LRRIQ1: variants seen among roughly 807,000 people sequenced by gnomAD.
LRRIQ1 encodes the protein leucine-rich repeat- and IQ domain-containing protein 1.
LRRIQ1 carries 210 observed loss-of-function variants against 211.9 expected under a neutral mutation model. The observed-to-expected ratio is 0.99, with a 90% CI of 0.89 to 1.11. LRRIQ1 has a LOEUF of 1.11. Among genes scored for constraint, LRRIQ1 ranks in the 50% most tolerant of loss-of-function variants. The pLI is 0.00. For missense variants in LRRIQ1, 2,136 were observed against 1,939.5 expected, an observed-to-expected ratio of 1.10 and a Z score of -1.90; for synonymous variants, 699 against 650.1, an observed-to-expected ratio of 1.08 and a Z score of -1.14.
chr12:85,048,253 C>G, intron 6 of LRRIQ1: 1 of 152,194 alleles, frequency 6.6e-6, no homozygotes, highest in East Asian at 1.9e-4. Flanking sequence ...CATTTCTTGA[C>G]TGTGTAGAAA....
intron 15 of LRRIQ1, among the ~76,000 whole-genome samples, chr12:85,109,991 C>T (rs573671380): frequency 6.6e-6 from 1 of 151,996 alleles, no homozygotes; most frequent in South Asian, 2.1e-4. Flanking sequence ...TCTCTGAATC[C>T]CCAGTAGTAA....
chr12:85,082,193 A>T (rs1884364186), intron 11 of LRRIQ1, among the ~76,000 whole-genome samples: 1 of 152,116 alleles, frequency 6.6e-6, no homozygotes, highest in African/African-American at 2.4e-5. Context: ...GTCGAAGTTT[A>T]TTTCAGTAAT....
At chr12:85,191,400 A>G (rs1313313115) in intron 24 of LRRIQ1, among the ~76,000 whole-genome samples, 2 of 151,968 alleles carry the variant, frequency 1.3e-5, no homozygotes, top group African/African-American at 2.4e-5. Flanking sequence ...AGAATGTCAC[A>G]TAGTTGGAAT....
intron 7 of LRRIQ1, among the ~76,000 whole-genome samples, chr12:85,054,338 G>A (rs1323100895): frequency 6.6e-6 from 1 of 152,098 alleles, no homozygotes; most frequent in African/African-American, 2.4e-5. Context: ...GAGGCAAAAA[G>A]ACACACCACC....
intron 24 of LRRIQ1, among the ~76,000 whole-genome samples, chr12:85,225,774 A>C (rs1370684043): frequency 6.6e-6 from 1 of 152,186 alleles, no homozygotes; most frequent in East Asian, 1.9e-4. Context: ...CTGGAAACTG[A>C]TAAGTATCCG....
At chr12:85,115,443 G>T (rs1209105822) in intron 15 of LRRIQ1, among the ~76,000 whole-genome samples, 2 of 152,120 alleles carry the variant, frequency 1.3e-5, no homozygotes. Flanking sequence ...TCAAGATATT[G>T]TTATAGTCTT....
intron 24 of LRRIQ1, among the ~76,000 whole-genome samples, chr12:85,211,967 A>G (rs930323915): frequency 2.6e-5 from 4 of 152,156 alleles, no homozygotes; most frequent in African/African-American, 9.7e-5. Context: ...AAGGAAACAA[A>G]AGGTTTAAAA....
chr12:85,249,564 A>T (rs1358173121), downstream of LRRIQ1, among the ~76,000 whole-genome samples: 1 of 151,868 alleles, frequency 6.6e-6, no homozygotes, highest in Non-Finnish European at 1.5e-5. Context: ...TACAATGTGA[A>T]AATCACTTCC....
At chr12:85,238,974 G>A (rs573504596) in intron 26 of LRRIQ1, among the ~76,000 whole-genome samples, 1 of 152,034 alleles carries the variant, frequency 6.6e-6, no homozygotes, top group East Asian at 1.9e-4. Context: ...TAGCAATAAA[G>A]TTTAAAAATT....
chr12:85,202,680 C>A (rs1273414761), intron 24 of LRRIQ1, among the ~76,000 whole-genome samples: 3 of 152,256 alleles, frequency 2.0e-5, no homozygotes, highest in Admixed American at 1.3e-4. Context: ...GGTGTCCTTG[C>A]ATGTGAGATG....
At chr12:85,216,512 A>T (rs1894094766) in intron 24 of LRRIQ1, among the ~76,000 whole-genome samples, 1 of 150,294 alleles carries the variant, frequency 6.7e-6, no homozygotes, top group African/African-American at 2.4e-5. Context: ...AATGTATATA[A>T]TTCTTTATAT....
chr12:85,154,017 T>C lies in LRRIQ1; in HGVS notation c.4643T>C (p.Phe1548Ser), dbSNP rs762123174. The change falls in exon 23 of 27, where the codon TTT (phenylalanine) becomes TCT (serine). Residue 1548 changes from phenylalanine (F) to serine (S), a missense_variant. Physicochemically the swap from Phe to Ser is radical, Grantham distance 155. Coordinates refer to ENST00000393217, the MANE Select transcript of LRRIQ1 (RefSeq NM_001079910.2). ...TATATTTAATCTTTTAATAGGGGCTTTAAGGATATTTCTACTGCTCAGCAA... is the reference window on the plus strand; with the variant it reads ...TATATTTAATCTTTTAATAGGGGCTCTAAGGATATTTCTACTGCTCAGCAA... ...KEKKISEEWG[F>S]KDISTAQQML... The C allele has an allele frequency of 5.1e-6, 8 of 1,554,552 alleles. No homozygotes were observed. The highest frequency in any genetic ancestry group is 6.1e-6 in the Non-Finnish European group (7 of 1,152,512).
At chr12:85,045,873 A>G (rs1375752948) in intron 4 of LRRIQ1, 147 bp from the exon 5 acceptor site, 3 of 433,780 alleles carry the variant, frequency 6.9e-6, no homozygotes, top group Non-Finnish European at 8.1e-6. Context: ...ATAATTATCA[A>G]TGTGCTGCAG....
At chr12:85,130,013 A>T (rs1006221697) in intron 18 of LRRIQ1, among the ~76,000 whole-genome samples, 4 of 152,226 alleles carry the variant, frequency 2.6e-5, no homozygotes, top group Non-Finnish European at 5.9e-5. Flanking sequence ...GATAGGAATC[A>T]GGAAGGTCTC....
chr12:85,237,347 G>C (rs914639912), intron 26 of LRRIQ1, among the ~76,000 whole-genome samples: 1 of 152,086 alleles, frequency 6.6e-6, no homozygotes, highest in African/African-American at 2.4e-5. Flanking sequence ...AGCCTAAAGA[G>C]AGCTCAGTAG....
At chr12:85,128,059 A>AT in intron 18 of LRRIQ1, 26 bp downstream of exon 18, 2 of 1,466,456 alleles carry the variant, frequency 1.4e-6, no homozygotes, top group Middle Eastern at 1.9e-4. Flanking sequence ...TTGGTAACAT[A>AT]GTTACAAAAG....
intron 24 of LRRIQ1, among the ~76,000 whole-genome samples, chr12:85,189,892 C>A (rs1892411028): frequency 7.1e-6 from 1 of 141,048 alleles, no homozygotes; most frequent in Non-Finnish European, 1.5e-5. Flanking sequence ...TATTATATAT[C>A]ATATATTATA....
At chr12:85,129,491 G>A (rs1341561783) in intron 18 of LRRIQ1, among the ~76,000 whole-genome samples, 3 of 152,158 alleles carry the variant, frequency 2.0e-5, no homozygotes, top group Non-Finnish European at 2.9e-5. Context: ...AAATATTGTG[G>A]GTGAAAATAT....
At chr12:85,067,478 A>G (rs946548914) in intron 10 of LRRIQ1, among the ~76,000 whole-genome samples, 1 of 151,884 alleles carries the variant, frequency 6.6e-6, no homozygotes, top group South Asian at 2.1e-4. Flanking sequence ...TTTCTTACTT[A>G]AGGACCAGTC....
Sources: gnomAD v4.1 joint callset for allele counts (sites outside exome capture counted in the v4.1 genomes callset) on GRCh38, gnomAD v4.1.1 for gene constraint, MANE v1.5 for transcripts, NCBI Gene and HGNC (gene_info 2026-07-23, HGNC 2026-07-21) for gene names.